LAIR1: variants seen among roughly 807,000 people sequenced by gnomAD.
The protein encoded by LAIR1 is leukocyte associated immunoglobulin like receptor 1.
In LAIR1, 24 loss-of-function variants were observed where a neutral mutation model predicts 32.8. That is an observed-to-expected ratio of 0.73 (90% confidence interval 0.53 to 1.03). The LOEUF is 1.03. Among genes scored for constraint, LAIR1 ranks in the 50% least tolerant of loss-of-function variants. LAIR1 has a pLI of 0.00. For synonymous variants in LAIR1, 150 were observed against 140.5 expected, an observed-to-expected ratio of 1.07 and a Z score of -0.48; for missense variants, 355 against 347.5, an observed-to-expected ratio of 1.02 and a Z score of -0.17.
At position 54,364,167 on chromosome 19, in the gene LAIR1, G is replaced by T. The variant is rs201848436; in HGVS notation, c.70+128C>A. ...TTGGTTATGCATTTTACATTTGGAA[G>T]AGTTTGCAATCTAGGGTATATTTAA... On this transcript the variant is annotated intron_variant, in intron 2 of 9. Coordinates refer to ENST00000391742, the MANE Select transcript of LAIR1 (RefSeq NM_002287.6). This position sits in a 1 kb window ranked among gnomAD's most constrained non-coding sequence, Gnocchi z 4.8. 469 of 1,106,512 alleles carry T rather than the reference G, an allele frequency of 4.2e-4. 3 individuals carry two copies. In the East Asian group the frequency reaches 7.4e-3, roughly 17 times the overall value. 68.5% of individuals were successfully genotyped at this position (1,106,512 alleles called of 1,614,324 possible). A position where few individuals can be genotyped will look rare whatever the true frequency, so the allele number is the denominator to read the frequency against.
At chr19:54,373,788 G>C (rs181645768), upstream of LAIR1, among the ~76,000 whole-genome samples, 1 of 152,198 alleles carries the variant, frequency 6.6e-6, no homozygotes, top group Non-Finnish European at 1.5e-5. Flanking sequence ...GGTTTTCTCT[G>C]GGGCAGAATT....
Position 54,361,045 on chromosome 19 carries a change from G to T in LAIR1, c.235C>A (p.Pro79Thr). The change falls in exon 3 of 10, where the codon CCA (proline) becomes ACA (threonine). Residue 79 changes from proline to threonine, a missense_variant. Transcript: ENST00000391742. ...NDTEDVSQAS[P>T]SESEARFRID... Reference sequence around the variant, plus strand: ...CGGAATCTGGCCTCTGACTCAGATGGACTAGCTTGAGACACATCTTCAGTA... The same window carrying T: ...CGGAATCTGGCCTCTGACTCAGATGTACTAGCTTGAGACACATCTTCAGTA... 6.2e-7 allele frequency: 1 copy of T among 1,614,206 alleles called. No homozygotes were observed. Among genetic ancestry groups the T allele is most frequent in the Non-Finnish European group, 8.5e-7 (1 of 1,180,040 alleles).
At chr19:54,362,849 A>G (rs369018493) in intron 2 of LAIR1, among the ~76,000 whole-genome samples, 16 of 152,194 alleles carry the variant, frequency 1.1e-4, no homozygotes, top group African/African-American at 3.4e-4. Flanking sequence ...GAACCACCAT[A>G]TTGAGCGGCA....
At chr19:54,369,551 C>G (rs2082352616), upstream of LAIR1, among the ~76,000 whole-genome samples, 1 of 151,462 alleles carries the variant, frequency 6.6e-6, no homozygotes, top group South Asian at 2.1e-4. Context: ...GACCTTTCCT[C>G]TGAGACTCTC....
Position 54,355,616 on chromosome 19 carries a change from C to T in LAIR1, c.718-202G>A, listed in dbSNP as rs1320492845. 1.3e-5 allele frequency among the ~76,000 whole-genome samples: 2 copies of T among 152,206 alleles called. No homozygotes were observed. Among genetic ancestry groups the T allele is most frequent in the Non-Finnish European group, 2.9e-5 (2 of 68,020 alleles). ...GGCAGAAGGGAAGACTCCTGACTTC[C>T]AAGCTGAGCCAAAAGACATGGTGCT... is the stretch of plus-strand genomic sequence containing the variant. On this transcript the variant is annotated intron_variant, in intron 9 of 9. Transcript: ENST00000391742. The surrounding 1 kb of genome is among the most constrained non-coding windows in gnomAD (Gnocchi z 4.7).
rs1473438384 is a variant in LAIR1, at chr19:54,355,341, G to T, written c.791C>A (p.Ala264Asp). ...TGTGGACTGTGGGGACACAGCCCGGGCTGTCCTCTGTGTGAGGGCCCAGTG... is the reference window on the plus strand; with the variant it reads ...TGTGGACTGTGGGGACACAGCCCGGTCTGTCCTCTGTGTGAGGGCCCAGTG... The part of the protein sequence containing the change: ...LDHWALTQRT[A>D]RAVSPQSTKP... The change falls in exon 10 of 10, where the codon GCC becomes GAC. Residue 264 changes from alanine (A) to aspartate (D), a missense_variant. Physicochemically the swap from Ala to Asp is moderately radical, Grantham distance 126. Coordinates refer to ENST00000391742, the MANE Select transcript of LAIR1 (RefSeq NM_002287.6). This position sits in a 1 kb window ranked among gnomAD's most constrained non-coding sequence, Gnocchi z 4.7. 6.2e-7 allele frequency: 1 copy of T among 1,613,544 alleles called. No individual in the cohort carries two copies. The highest frequency in any genetic ancestry group is 1.1e-5 in the South Asian group (1 of 91,042).
chr19:54,369,109 A>C (rs1204592556), upstream of LAIR1, among the ~76,000 whole-genome samples: 7 of 150,374 alleles, frequency 4.7e-5, no homozygotes, highest in African/African-American at 1.7e-4. Flanking sequence ...TTCATGCTTT[A>C]CACGACCCCA....
chr19:54,372,222 T>A (rs1013776919), upstream of LAIR1, among the ~76,000 whole-genome samples: 9 of 151,670 alleles, frequency 5.9e-5, 2 homozygotes, highest in African/African-American at 2.2e-4. Flanking sequence ...CCAAAGTGGC[T>A]GTACCATTTG....
upstream of LAIR1, among the ~76,000 whole-genome samples, chr19:54,375,318 A>G (rs1447143656): frequency 1.3e-5 from 2 of 152,190 alleles, no homozygotes; most frequent in African/African-American, 4.8e-5. Flanking sequence ...GGAAGAAAGC[A>G]TGGTAAGGGG....
chr19:54,365,141 A>T (rs188340155), upstream of LAIR1: 24 of 1,009,552 alleles, frequency 2.4e-5, no homozygotes, highest in Non-Finnish European at 3.0e-5. Flanking sequence ...ATTGACTTGG[A>T]CGCCGTCCCA....
At chr19:54,356,090 T>C (rs1288158946) in intron 8 of LAIR1, 84 bp from the exon 9 acceptor site, 1 of 1,262,748 alleles carries the variant, frequency 7.9e-7, no homozygotes, top group African/African-American at 1.5e-5. Context: ...CAGCTTCCGA[T>C]GACATCCTGC....
chr19:54,371,475 G>A (rs2082404375), upstream of LAIR1, among the ~76,000 whole-genome samples: 1 of 150,996 alleles, frequency 6.6e-6, no homozygotes. Flanking sequence ...ATTTTTGTAT[G>A]TTTAGTAGAG....
At position 54,361,121 on chromosome 19, in the gene LAIR1, A is replaced by C. The variant is rs779213670; in HGVS notation, c.159T>G (p.Val53=). The C allele has an allele frequency of 6.2e-6, 10 of 1,614,174 alleles. No individual in the cohort carries two copies. Among genetic ancestry groups the C allele is most frequent in the Non-Finnish European group, 2.5e-6 (3 of 1,180,024 alleles). ...TCTCCAGGCGGAATGTTTGAACCCC[A>C]ACCGGGCCCCGGCACACGAAAGTCA... ...SHVTFVCRGP[V]GVQTFRLERD... Residue 53 remains valine (V), a synonymous_variant, in exon 3 of 10, where the codon GTT becomes GTG. Transcript: ENST00000391742.
chr19:54,374,815 G>A (rs892384148), upstream of LAIR1, among the ~76,000 whole-genome samples: 2 of 152,020 alleles, frequency 1.3e-5, no homozygotes, highest in Non-Finnish European at 2.9e-5. Context: ...TGAGTTCCAG[G>A]CCCTTAGAAA....
In LAIR1 at chr19:54,356,556, A is replaced by T. The variant is rs1036648284; in HGVS notation, c.518T>A (p.Val173Asp). The T allele has an allele frequency of 6.2e-7, 1 of 1,613,858 alleles. No homozygotes were observed. The highest frequency in any genetic ancestry group is 1.3e-5 in the African/African-American group (1 of 74,848). ...HLYILIGVSV[V>D]FLFCLLLLVL... ...CAGGAGGAGGAGACAGAAGAGGAAG[A>T]CCACTGAGACCCCGATGAGAATATA... Residue 173 changes from valine to aspartate, a missense_variant, in exon 6 of 10, where the codon GTC becomes GAC. Physicochemically the swap from Val to Asp is radical, Grantham distance 152. Coordinates refer to ENST00000391742, the MANE Select transcript of LAIR1 (RefSeq NM_002287.6).
chr19:54,372,840 C>T (rs1255970321), upstream of LAIR1, among the ~76,000 whole-genome samples: 1 of 151,314 alleles, frequency 6.6e-6, no homozygotes, highest in African/African-American at 2.5e-5. Context: ...CTTTAAAAGT[C>T]GATCAACTGG....
Position 54,364,308 on chromosome 19 carries a change from G to C in LAIR1, c.57C>G (p.Ile19Met). ...LGLVLCLAQT[I>M]HTQEEDLPRP... is the part of the protein sequence containing the mutation. ...GGCATGACTTACCCTCCTGCGTGTG[G>C]ATGGTCTGGGCCAGGCAGAGCACTG... is the stretch of plus-strand genomic sequence containing the variant. Residue 19 changes from isoleucine (I) to methionine (M), a missense_variant, in exon 2 of 10, where the codon ATC becomes ATG. Physicochemically the swap from Ile to Met is conservative, Grantham distance 10. Coordinates refer to ENST00000391742, the MANE Select transcript of LAIR1 (RefSeq NM_002287.6). The surrounding 1 kb of genome is among the most constrained non-coding windows in gnomAD (Gnocchi z 4.8). 1 of 1,613,882 alleles carries C rather than the reference G, an allele frequency of 6.2e-7. No individual in the cohort carries two copies. The highest frequency in any genetic ancestry group is 8.5e-7 in the Non-Finnish European group (1 of 1,179,904).
At chr19:54,357,044 AC>A in intron 4 of LAIR1, 78 bp from the exon 5 acceptor site, 1 of 1,343,508 alleles carries the variant, frequency 7.4e-7, no homozygotes, top group Non-Finnish European at 1.1e-6. Context: ...TCCCACATCC[AC>A]TGTGGGGATC....
In LAIR1 at chr19:54,354,697, A is replaced by T. The variant is rs1346295184; in HGVS notation, c.*571T>A. 6.6e-6 allele frequency: 1 copy of T among 152,218 alleles called. No individual in the cohort carries two copies. The highest frequency in any genetic ancestry group is 1.5e-5 in the Non-Finnish European group (1 of 68,070). The allele number at this position is 152,218 out of a possible 1,614,324, so 9.4% of individuals were successfully genotyped here. A position where few individuals can be genotyped will look rare whatever the true frequency, so the allele number is the denominator to read the frequency against. On this transcript the variant is annotated 3_prime_UTR_variant, in exon 10 of 10. Transcript: ENST00000391742. The stretch of plus-strand genomic sequence containing the variant: ...AGATGTGAGGCCTTCAAAATTATTT[A>T]TTGATGCGTGGAGTAAAGCACAACC...
Sources: allele counts gnomAD v4.1 joint callset (sites outside exome capture counted in the v4.1 genomes callset), GRCh38; gene constraint gnomAD v4.1.1; non-coding constraint Gnocchi (gnomAD v3.1); transcripts MANE v1.5; gene names NCBI Gene and HGNC (gene_info 2026-07-23, HGNC 2026-07-21).